The following SCFD2 variants were observed in gnomAD, a reference collection of about 807,000 sequenced individuals.
SCFD2 encodes sec1 family domain-containing protein 2.
A neutral mutation model predicts 58.9 loss-of-function variants in SCFD2; 54 were observed. That is an observed-to-expected ratio of 0.92 (90% confidence interval 0.74 to 1.15). The LOEUF is 1.15. Ranked by LOEUF, SCFD2 falls within the 50% of genes most tolerant of loss-of-function variation. The pLI is 0.00. For missense variants in SCFD2, 805 were observed against 836.6 expected, an observed-to-expected ratio of 0.96 and a Z score of 0.47; for synonymous variants, 321 against 335.9, an observed-to-expected ratio of 0.96 and a Z score of 0.49.
At chr4:53,235,345 A>G (rs1729565419) in intron 4 of SCFD2, among the ~76,000 whole-genome samples, 1 of 152,218 alleles carries the variant, frequency 6.6e-6, no homozygotes, top group South Asian at 2.1e-4. Context: ...ACATTTATCA[A>G]TTTATGGCAG....
chr4:52,951,038 G>C (rs1236527780), intron 5 of SCFD2: 1 of 152,194 alleles, frequency 6.6e-6, no homozygotes, highest in Non-Finnish European at 1.5e-5. Flanking sequence ...AGTTGCATTT[G>C]TTATACACCC....
Position 53,208,510 on chromosome 4 carries a change from G to T in SCFD2, c.1312-62928C>A, listed in dbSNP as rs1425726540. On this transcript the variant is annotated intron_variant, in intron 4 of 8. Transcript: ENST00000401642. ...CTATTTTGTAGAAAAAGACCTCATA[G>T]TTCAGCAAAGCTAGGTCCTATCCAA... Among the ~76,000 whole-genome samples the T allele has an allele frequency of 6.6e-5, 10 of 152,262 alleles. No individual in the cohort carries two copies. The East Asian group carries it at 1.9e-3, about 29-fold the overall frequency.
chr4:53,214,212 AT>A (rs1242228244), intron 4 of SCFD2, among the ~76,000 whole-genome samples: 1 of 152,146 alleles, frequency 6.6e-6, no homozygotes, highest in African/African-American at 2.4e-5. Flanking sequence ...CTAGTTCCAG[AT>A]CCCTGAGGAA....
intron 5 of SCFD2, among the ~76,000 whole-genome samples, chr4:53,102,979 G>T (rs1360373248): frequency 6.6e-6 from 1 of 152,052 alleles, no homozygotes; most frequent in East Asian, 1.9e-4. Context: ...AGAAGGAAAG[G>T]CTCTTCCTTC....
intron 3 of SCFD2, among the ~76,000 whole-genome samples, chr4:53,301,282 C>T (rs1732280351): frequency 6.6e-6 from 1 of 152,130 alleles, no homozygotes. Context: ...CCACCAATCC[C>T]ACAGAAATAC....
At chr4:52,899,699 C>G (rs538444651) in intron 7 of SCFD2, among the ~76,000 whole-genome samples, 3 of 152,252 alleles carry the variant, frequency 2.0e-5, no homozygotes, top group African/African-American at 7.2e-5. Context: ...GTTGGCCTGC[C>G]TTGCTAGATT....
chr4:52,990,138 G>A (rs1721585864), intron 5 of SCFD2, among the ~76,000 whole-genome samples: 1 of 152,222 alleles, frequency 6.6e-6, no homozygotes, highest in Non-Finnish European at 1.5e-5. Context: ...GAGTGCTGAA[G>A]CAGGGGTCAA....
chr4:53,115,793 T>C (rs537946361), intron 5 of SCFD2, among the ~76,000 whole-genome samples: 37 of 152,312 alleles, frequency 2.4e-4, no homozygotes, highest in African/African-American at 8.4e-4. Context: ...TCAATAGATT[T>C]AGAAAGACAC....
intron 4 of SCFD2, among the ~76,000 whole-genome samples, chr4:53,217,994 G>C (rs543827653): frequency 1.3e-5 from 2 of 152,168 alleles, no homozygotes; most frequent in Non-Finnish European, 2.9e-5. Flanking sequence ...GGCTTGTAGC[G>C]TTTCTGCCAA....
chr4:52,920,317 T>G (rs2109484920), intron 6 of SCFD2, among the ~76,000 whole-genome samples: 1 of 152,352 alleles, frequency 6.6e-6, no homozygotes, highest in African/African-American at 2.4e-5. Context: ...CATTATCAGG[T>G]GTTTTCATTA....
chr4:53,303,801 A>G (rs1732417802), intron 3 of SCFD2, among the ~76,000 whole-genome samples: 1 of 151,542 alleles, frequency 6.6e-6, no homozygotes, highest in African/African-American at 2.4e-5. Context: ...TGTCCTTTGT[A>G]GGGACATGGA....
At chr4:53,353,435 A>T (rs1333178288) in intron 1 of SCFD2, among the ~76,000 whole-genome samples, 1 of 152,228 alleles carries the variant, frequency 6.6e-6, no homozygotes, top group Admixed American at 6.5e-5. Context: ...ACAAAGCTCC[A>T]ACAGTGTGGT....
chr4:53,328,774 A>G (rs1470769373), intron 2 of SCFD2, among the ~76,000 whole-genome samples: 3 of 152,264 alleles, frequency 2.0e-5, no homozygotes, highest in Admixed American at 6.5e-5. Flanking sequence ...GCTCCGGTCT[A>G]CAGCTCCCAG....
At chr4:53,077,692 C>A (rs1724018533) in intron 5 of SCFD2, among the ~76,000 whole-genome samples, 1 of 152,040 alleles carries the variant, frequency 6.6e-6, no homozygotes, top group South Asian at 2.1e-4. Flanking sequence ...CCCGTCTTGG[C>A]CCCCCAAAGT....
intron 5 of SCFD2, among the ~76,000 whole-genome samples, chr4:52,961,752 G>A (rs1720856990): frequency 6.6e-6 from 1 of 152,194 alleles, no homozygotes; most frequent in African/African-American, 2.4e-5. Flanking sequence ...AAGAGTTCAT[G>A]CACAAGACAG....
intron 4 of SCFD2, among the ~76,000 whole-genome samples, chr4:53,162,130 A>G (rs919815108): frequency 6.6e-6 from 1 of 152,108 alleles, no homozygotes; most frequent in Non-Finnish European, 1.5e-5. Context: ...CACATTATCT[A>G]AAAACCTGCT....
chr4:53,150,601 A>C (rs1726476140), intron 4 of SCFD2, among the ~76,000 whole-genome samples: 1 of 152,236 alleles, frequency 6.6e-6, no homozygotes, highest in Non-Finnish European at 1.5e-5. Context: ...ATTAATAATA[A>C]GGATGTGGGA....
At chr4:53,002,889 C>T (rs1002945610) in intron 5 of SCFD2, among the ~76,000 whole-genome samples, 3 of 152,188 alleles carry the variant, frequency 2.0e-5, no homozygotes, top group African/African-American at 7.2e-5. Flanking sequence ...AGCTTTTACT[C>T]ATGGCGGAAG....
chr4:52,943,872 C>T (rs1720353640), intron 5 of SCFD2, among the ~76,000 whole-genome samples: 1 of 152,150 alleles, frequency 6.6e-6, no homozygotes. Context: ...AAAATAGAAC[C>T]ATGTGGGAGG....
Sources: allele counts gnomAD v4.1 joint callset (sites outside exome capture counted in the v4.1 genomes callset), GRCh38; gene constraint gnomAD v4.1.1; transcripts MANE v1.5; gene names NCBI Gene and HGNC (gene_info 2026-07-23, HGNC 2026-07-21).